Variants in MGAT4C observed in about 807,000 individuals in gnomAD.
MGAT4C encodes the protein alpha-1,3-mannosyl-glycoprotein 4-beta-N-acetylglucosaminyltransferase C.
A neutral mutation model predicts 40.1 loss-of-function variants in MGAT4C; 19 were observed. The observed-to-expected ratio is 0.47, with a 90% confidence interval of 0.33 to 0.70. MGAT4C has a LOEUF of 0.70. MGAT4C is among the 30% of genes least tolerant of loss of function. The pLI is 0.02. For synonymous variants in MGAT4C, 181 were observed against 187.1 expected, an observed-to-expected ratio of 0.97 and a Z score of 0.27; for missense variants, 491 against 563.2, an observed-to-expected ratio of 0.87 and a Z score of 1.30.
In MGAT4C at chr12:85,967,853, A is replaced by G. The variant is rs576885782; in HGVS notation, c.*11436T>C. The stretch of plus-strand genomic sequence containing the variant: ...TGTGTATATTTACATAATTTACACT[A>G]TTCACAGTCCTTGTTTTTCTTGACT... On this transcript the variant is annotated 3_prime_UTR_variant, in exon 5 of 5. Transcript: ENST00000611864. The G allele has an allele frequency of 4.6e-5, 7 of 152,036 alleles. No individual in the cohort carries two copies. Among genetic ancestry groups the G allele is most frequent in the Admixed American group, 3.9e-4 (6 of 15,248 alleles). The allele number at this position is 152,036 out of a possible 1,614,324, so 9.4% of individuals were successfully genotyped here.
chr12:86,137,955 C>T (rs1882210809), intron 1 of MGAT4C, among the ~76,000 whole-genome samples: 3 of 152,132 alleles, frequency 2.0e-5, no homozygotes, highest in Admixed American at 1.3e-4. Context: ...CAGGTCTTGC[C>T]TAAGGAAGCA....
At chr12:86,091,278 A>G (rs1383144141) in intron 1 of MGAT4C, among the ~76,000 whole-genome samples, 5 of 152,120 alleles carry the variant, frequency 3.3e-5, no homozygotes, top group African/African-American at 1.2e-4. Flanking sequence ...AGGCAGAAAC[A>G]CAAAACCTCA....
chr12:86,296,845 T>G (rs1566268050), intron 4 of MGAT4C, among the ~76,000 whole-genome samples: 1 of 152,166 alleles, frequency 6.6e-6, no homozygotes, highest in East Asian at 1.9e-4. Flanking sequence ...GCTCCCACAG[T>G]GCAGTGGCGG....
chr12:86,523,954 C>T lies in MGAT4C; in HGVS notation c.-228-88689G>A, dbSNP rs780516956. ...TTTGCTTGGTAGATTTTTCTTCATC[C>T]CTTTATTTTGAGACTATGTGTGTTA... On this transcript the variant is annotated intron_variant, in intron 2 of 7. Coordinates refer to the MGAT4C transcript ENST00000548651. 4.1e-4 allele frequency among the ~76,000 whole-genome samples: 63 copies of T among 151,980 alleles called. 1 individual carries two copies. The highest frequency in any genetic ancestry group is 5.1e-4 in the Non-Finnish European group (35 of 67,996).
At chr12:86,232,151 A>C (rs1459617808) in intron 1 of MGAT4C, among the ~76,000 whole-genome samples, 1 of 100,614 alleles carries the variant, frequency 9.9e-6, no homozygotes, top group Non-Finnish European at 2.0e-5. Context: ...GAAAAAAAAA[A>C]GGAGGGGGGC....
chr12:86,687,211 T>G (rs2406251), intron 2 of MGAT4C, among the ~76,000 whole-genome samples: 132,042 of 151,982 alleles, frequency 0.87, 58,185 homozygotes, highest in Middle Eastern at 0.95. Flanking sequence ...ATTTTTTATT[T>G]TCTATTCTTC....
intron 1 of MGAT4C, among the ~76,000 whole-genome samples, chr12:86,792,184 T>G (rs1952034186): frequency 6.6e-6 from 1 of 152,158 alleles, no homozygotes; most frequent in Admixed American, 6.5e-5. Context: ...AAAAATTACG[T>G]CAAATTTATT....
chr12:86,764,472 A>G (rs1217678189), intron 1 of MGAT4C, among the ~76,000 whole-genome samples: 2 of 151,654 alleles, frequency 1.3e-5, no homozygotes, highest in African/African-American at 4.8e-5. Flanking sequence ...TAACCTCTGC[A>G]GACTTAAATG....
chr12:86,200,148 G>A (rs968925767), intron 1 of MGAT4C, among the ~76,000 whole-genome samples: 3 of 53,080 alleles, frequency 5.7e-5, no homozygotes, highest in Non-Finnish European at 1.1e-4. Flanking sequence ...TTTTTTTTTT[G>A]ATCTGGCTTT....
chr12:86,134,939 G>T (rs1026125545), intron 1 of MGAT4C, among the ~76,000 whole-genome samples: 4 of 151,940 alleles, frequency 2.6e-5, no homozygotes, highest in African/African-American at 9.7e-5. Context: ...TACATATGAG[G>T]TATTATTCAT....
intron 1 of MGAT4C, among the ~76,000 whole-genome samples, chr12:86,072,042 G>A (rs563966091): frequency 3.3e-5 from 5 of 151,772 alleles, no homozygotes; most frequent in African/African-American, 1.2e-4. Context: ...GTGTGTGTGT[G>A]TGTGTGTGTG....
At chr12:86,324,691 C>T (rs1193938517) in intron 4 of MGAT4C, among the ~76,000 whole-genome samples, 1 of 151,398 alleles carries the variant, frequency 6.6e-6, no homozygotes, top group Non-Finnish European at 1.5e-5. Context: ...CATAGAGAAA[C>T]GAGAGTTGTT....
intron 2 of MGAT4C, among the ~76,000 whole-genome samples, chr12:86,462,693 G>A (rs1396965062): frequency 6.6e-6 from 1 of 152,142 alleles, no homozygotes; most frequent in Non-Finnish European, 1.5e-5. Flanking sequence ...AGAGGCCCTG[G>A]CAAGCCACTA....
intron 1 of MGAT4C, among the ~76,000 whole-genome samples, chr12:86,798,261 T>C (rs767806329): frequency 3.9e-5 from 6 of 151,964 alleles, no homozygotes; most frequent in Non-Finnish European, 7.4e-5. Flanking sequence ...TTGTTTAGTA[T>C]TGTAAAATTT....
intron 2 of MGAT4C, among the ~76,000 whole-genome samples, chr12:86,598,049 T>TACTTTTCTATGTAAAGAAAAGTA (rs879887427): frequency 6.6e-6 from 1 of 152,230 alleles, no homozygotes; most frequent in Admixed American, 6.5e-5. Flanking sequence ...CTTTATACTT[T>TACTTTTCTATGTAAAGAAAAGTA]ACTTTTCTAT....
At chr12:86,025,696 T>C (rs1890181219) in intron 2 of MGAT4C, among the ~76,000 whole-genome samples, 1 of 151,748 alleles carries the variant, frequency 6.6e-6, no homozygotes, top group African/African-American at 2.4e-5. Flanking sequence ...CATTATCTAT[T>C]TTAATCCTCC....
chr12:86,106,399 C>A (rs1292845792), intron 1 of MGAT4C, among the ~76,000 whole-genome samples: 1 of 152,164 alleles, frequency 6.6e-6, no homozygotes, highest in African/African-American at 2.4e-5. Context: ...TTCTCAGGCT[C>A]AAGCAGTCCT....
chr12:86,164,764 T>A (rs1009874127), intron 1 of MGAT4C, among the ~76,000 whole-genome samples: 8 of 151,634 alleles, frequency 5.3e-5, no homozygotes, highest in Non-Finnish European at 1.0e-4. Flanking sequence ...TGTTGCAGAG[T>A]GTGAGGGTGA....
At chr12:86,781,946 T>TG (rs1951847842) in intron 1 of MGAT4C, among the ~76,000 whole-genome samples, 1 of 151,018 alleles carries the variant, frequency 6.6e-6, no homozygotes, top group Non-Finnish European at 1.5e-5. Context: ...AACTTAATTT[T>TG]GAAAAAAACT....
Sources: gnomAD v4.1 joint callset for allele counts (sites outside exome capture counted in the v4.1 genomes callset) on GRCh38, gnomAD v4.1.1 for gene constraint, MANE v1.5 for transcripts, NCBI Gene and HGNC (gene_info 2026-07-23, HGNC 2026-07-21) for gene names.